Variants in DCDC2 observed in about 807,000 individuals in gnomAD.
DCDC2 encodes doublecortin domain-containing protein 2.
DCDC2 carries 40 observed loss-of-function variants against 50.2 expected under a neutral mutation model. The observed-to-expected ratio is 0.80, with a 90% CI of 0.62 to 1.04. The LOEUF (loss-of-function observed/expected upper bound fraction) is 1.04, where lower values mean the gene tolerates loss of function less well. DCDC2 is among the 50% of genes least tolerant of loss of function. DCDC2 has a pLI of 0.00. For synonymous variants in DCDC2, 234 were observed against 210.6 expected (o/e 1.11, Z -0.96); for missense variants, 570 against 581.9 (o/e 0.98, Z 0.21).
upstream of DCDC2, among the ~76,000 whole-genome samples, chr6:24,359,528 TATA>T (rs1760620777): frequency 9.2e-6 from 1 of 108,120 alleles, no homozygotes; most frequent in African/African-American, 3.7e-5. Flanking sequence ...ATATTTTATA[TATA>T]TTTTTTATAT....
Position 24,250,989 on chromosome 6 carries a change from A to G in DCDC2, c.922+27060T>C, listed in dbSNP as rs374150352. ...AAACGCCTTGAAAACAACTGCAAGGAAAGAGGTATAGTCTAATCATAAAAC... is the reference window on the plus strand; with the variant it reads ...AAACGCCTTGAAAACAACTGCAAGGGAAGAGGTATAGTCTAATCATAAAAC... On this transcript the variant is annotated intron_variant, in intron 7 of 9. Transcript: ENST00000378454. Among the ~76,000 whole-genome samples, 135 of 152,344 alleles carry G rather than the reference A, an allele frequency of 8.9e-4. No individual in the cohort carries two copies. The South Asian group carries it at 0.026, about 29-fold the overall frequency.
intron 2 of DCDC2, among the ~76,000 whole-genome samples, chr6:24,338,939 C>T (rs1760106011): frequency 6.6e-6 from 1 of 152,136 alleles, no homozygotes; most frequent in African/African-American, 2.4e-5. Context: ...CCACCATGCC[C>T]AGCAGCTTTT....
chr6:24,302,994 C>T (rs776575189), intron 2 of DCDC2, among the ~76,000 whole-genome samples: 97 of 152,032 alleles, frequency 6.4e-4, no homozygotes, highest in Admixed American at 1.5e-3. Flanking sequence ...CATCTAGATC[C>T]TCACCATTTT....
chr6:24,281,258 T>C (rs1247036899), intron 6 of DCDC2, among the ~76,000 whole-genome samples: 1 of 152,134 alleles, frequency 6.6e-6, no homozygotes, highest in Non-Finnish European at 1.5e-5. Context: ...ATAACTACTT[T>C]CCAGGAACTT....
chr6:24,264,679 T>C (rs764206470), intron 7 of DCDC2, among the ~76,000 whole-genome samples: 38 of 146,838 alleles, frequency 2.6e-4, no homozygotes, highest in Admixed American at 2.2e-3. Flanking sequence ...CCAGAGAAAA[T>C]TGTCTTCACT....
At chr6:24,309,814 T>C (rs1307786113) in intron 2 of DCDC2, among the ~76,000 whole-genome samples, 1 of 152,104 alleles carries the variant, frequency 6.6e-6, no homozygotes, top group Non-Finnish European at 1.5e-5. Context: ...ATACTGTTTA[T>C]AAGAGACACA....
chr6:24,305,030 G>A (rs1402299109), intron 2 of DCDC2, among the ~76,000 whole-genome samples: 1 of 152,134 alleles, frequency 6.6e-6, no homozygotes, highest in East Asian at 1.9e-4. Flanking sequence ...ATCTTGTTGG[G>A]TTATTGAATT....
At chr6:24,233,922 T>TA (rs1762388747) in intron 7 of DCDC2, among the ~76,000 whole-genome samples, 2 of 152,354 alleles carry the variant, frequency 1.3e-5, no homozygotes, top group Admixed American at 6.5e-5. Flanking sequence ...AACAAACATT[T>TA]ACTGAGTATC....
intron 7 of DCDC2, among the ~76,000 whole-genome samples, chr6:24,250,100 A>G (rs1376079570): frequency 2.0e-5 from 3 of 152,162 alleles, no homozygotes; most frequent in Middle Eastern, 3.2e-3. Context: ...GGGTCCCGGC[A>G]GCCTCCCTCC....
chr6:24,358,761 AT>A (rs1289870119), upstream of DCDC2, among the ~76,000 whole-genome samples: 2 of 71,922 alleles, frequency 2.8e-5, no homozygotes, highest in Admixed American at 2.5e-4. Flanking sequence ...TTATTTATAT[AT>A]TATATATTTT....
At chr6:24,325,207 C>T (rs1243353322) in intron 2 of DCDC2, among the ~76,000 whole-genome samples, 4 of 150,216 alleles carry the variant, frequency 2.7e-5, no homozygotes, top group African/African-American at 9.7e-5. Context: ...CTTCCTCACA[C>T]TTCTCCTCGG....
At chr6:24,277,647 C>A (rs139882022) in intron 7 of DCDC2, among the ~76,000 whole-genome samples, 249 of 152,126 alleles carry the variant, frequency 1.6e-3, no homozygotes, top group African/African-American at 5.6e-3. Flanking sequence ...GTATAATTAA[C>A]AAAATGACTT....
At chr6:24,301,370 CAAAAAAAAAAA>C (rs59055669) in intron 4 of DCDC2, among the ~76,000 whole-genome samples, 1 of 64,112 alleles carries the variant, frequency 1.6e-5, no homozygotes, top group Non-Finnish European at 2.6e-5. Flanking sequence ...GGCTCCATCT[CAAAAAAAAAAA>C]AAAAAAAAAA....
At chr6:24,265,769 G>C (rs984326297) in intron 7 of DCDC2, among the ~76,000 whole-genome samples, 9 of 151,060 alleles carry the variant, frequency 6.0e-5, no homozygotes, top group Admixed American at 3.3e-4. Flanking sequence ...AGTACTAAGA[G>C]GAAAGTTGAT....
At chr6:24,179,811 A>G (rs945577467) in intron 8 of DCDC2, among the ~76,000 whole-genome samples, 25 of 147,588 alleles carry the variant, frequency 1.7e-4, no homozygotes, top group Middle Eastern at 3.6e-3. Context: ...AAAATTAGCC[A>G]GGCGTGGTGG....
intron 2 of DCDC2, among the ~76,000 whole-genome samples, chr6:24,337,743 A>T (rs1470720515): frequency 6.7e-6 from 1 of 149,240 alleles, no homozygotes; most frequent in Non-Finnish European, 1.5e-5. Context: ...GGTTGCAGTG[A>T]GCTGAGATGG....
At chr6:24,229,465 A>G (rs1327353533) in intron 7 of DCDC2, among the ~76,000 whole-genome samples, 4 of 152,164 alleles carry the variant, frequency 2.6e-5, no homozygotes. Context: ...CTGATTAGCA[A>G]CCTTAATTCC....
chr6:24,366,673 T>C, the DCDC2 span, among the ~76,000 whole-genome samples: 4 of 152,214 alleles, frequency 2.6e-5, no homozygotes, highest in African/African-American at 9.7e-5. Flanking sequence ...GTGTCCAGTG[T>C]TGTATTAGAA....
chr6:24,318,422 T>G (rs1475663505), intron 2 of DCDC2, among the ~76,000 whole-genome samples: 2 of 152,054 alleles, frequency 1.3e-5, no homozygotes, highest in Non-Finnish European at 2.9e-5. Context: ...TTTGTATAAA[T>G]TTAAGTGGTA....
Sources: allele counts gnomAD v4.1 joint callset (sites outside exome capture counted in the v4.1 genomes callset), GRCh38; gene constraint gnomAD v4.1.1; transcripts MANE v1.5; gene names NCBI Gene and HGNC (gene_info 2026-07-23, HGNC 2026-07-21).